Variants in FAM193A observed in about 807,000 individuals in gnomAD.
FAM193A encodes family with sequence similarity 193 member A, also known as protein FAM193A.
Under a neutral mutation model 126.5 loss-of-function variants are expected in FAM193A, and 22 were observed. The ratio of observed to expected loss-of-function variants is 0.17; its 90% confidence interval spans 0.12 to 0.25. The LOEUF (loss-of-function observed/expected upper bound fraction) is 0.25, where lower values mean the gene tolerates loss of function less well. Among genes scored for constraint, FAM193A ranks in the 10% least tolerant of loss-of-function variants. The pLI, the probability that FAM193A is intolerant of heterozygous loss-of-function variation, is 1.00. For missense variants in FAM193A, 1,675 were observed against 1,672.8 expected (o/e 1.00, Z -0.02); for synonymous variants, 761 against 646.8 (o/e 1.18, Z -2.68).
chr4:2,578,347 A>G (rs961427944), intron 1 of FAM193A, among the ~76,000 whole-genome samples: 6 of 152,158 alleles, frequency 3.9e-5, no homozygotes, highest in Non-Finnish European at 4.4e-5. Flanking sequence ...CATTTTAATA[A>G]TAAATAGCTG....
chr4:2,675,136 A>C (rs1714249849), intron 13 of FAM193A, among the ~76,000 whole-genome samples: 1 of 152,056 alleles, frequency 6.6e-6, no homozygotes, highest in African/African-American at 2.4e-5. Context: ...TTTTGAGTTT[A>C]TTAAGGTATG....
intron 1 of FAM193A, among the ~76,000 whole-genome samples, chr4:2,548,434 T>A (rs1737703613): frequency 6.6e-6 from 1 of 151,810 alleles, no homozygotes; most frequent in South Asian, 2.1e-4. Flanking sequence ...CATATATAAT[T>A]TGCCAACATT....
chr4:2,630,129 C>T (rs1743411554), intron 4 of FAM193A, among the ~76,000 whole-genome samples: 1 of 140,498 alleles, frequency 7.1e-6, no homozygotes, highest in South Asian at 2.2e-4. Context: ...GAGACTCCAT[C>T]TCAAAAAAAA....
chr4:2,686,066 C>T (rs927722785), intron 13 of FAM193A, among the ~76,000 whole-genome samples: 6 of 152,172 alleles, frequency 3.9e-5, no homozygotes, highest in African/African-American at 1.2e-4. Context: ...AGTCATGGTC[C>T]AAAAATGGTC....
chr4:2,678,729 A>G (rs1460939751), intron 13 of FAM193A, among the ~76,000 whole-genome samples: 1 of 152,164 alleles, frequency 6.6e-6, no homozygotes, highest in Non-Finnish European at 1.5e-5. Context: ...CCAACTGACC[A>G]TTGTTAGTGT....
intron 13 of FAM193A, among the ~76,000 whole-genome samples, chr4:2,675,539 G>A (rs915240790): frequency 1.3e-5 from 2 of 152,120 alleles, no homozygotes; most frequent in Non-Finnish European, 2.9e-5. Flanking sequence ...TCTAAAGTCT[G>A]CTCTGCCTGA....
intron 6 of FAM193A, among the ~76,000 whole-genome samples, chr4:2,643,217 A>C (rs1744810946): frequency 6.6e-6 from 1 of 152,166 alleles, no homozygotes; most frequent in Non-Finnish European, 1.5e-5. Context: ...TGTCAGCCTG[A>C]GACTAATTCA....
chr4:2,655,205 C>T lies in FAM193A; in HGVS notation c.1312-2598C>T, dbSNP rs1052263717. 40 of 576,196 alleles carry T rather than the reference C, an allele frequency of 6.9e-5. No homozygotes were observed. The Middle Eastern group carries it at 1.8e-3, about 26-fold the overall frequency. The allele number at this position is 576,196 out of a possible 1,614,324, so 35.7% of individuals were successfully genotyped here. On this transcript the variant is annotated intron_variant, in intron 7 of 20. Transcript: ENST00000637812. ...TTTCTAGCAAATTAAAGAAGTTTAC[C>T]TTTATTTCTAGTTGATTTAGGCTAT...
rs11736821 is a variant in FAM193A, at chr4:2,699,446, C to A, written c.3508-234C>A. Reference sequence around the variant, plus strand: ...TTTTTGTTAACTACCACCCCCCCCCCCACACACACACACACAAATAAGTAA... The same window carrying A: ...TTTTTGTTAACTACCACCCCCCCCCACACACACACACACACAAATAAGTAA... On this transcript the variant is annotated intron_variant, in intron 18 of 20. Coordinates refer to ENST00000637812, the MANE Select transcript of FAM193A (RefSeq NM_001366318.2). 3.8e-3 allele frequency among the ~76,000 whole-genome samples: 397 copies of A among 103,530 alleles called. 42 individuals carry two copies. Among genetic ancestry groups the A allele is most frequent in the Middle Eastern group, 0.029 (6 of 206 alleles). 67.9% of individuals were successfully genotyped at this position (103,530 alleles called of 152,430 possible).
chr4:2,627,353 G>A (rs543197754), intron 4 of FAM193A, among the ~76,000 whole-genome samples: 2 of 151,042 alleles, frequency 1.3e-5, no homozygotes, highest in South Asian at 2.1e-4. Context: ...TAGAGATGGG[G>A]TTTCACCATG....
intron 1 of FAM193A, among the ~76,000 whole-genome samples, chr4:2,582,989 A>G (rs371934841): frequency 1.3e-5 from 2 of 152,078 alleles, no homozygotes; most frequent in South Asian, 4.2e-4. Flanking sequence ...ATTTTTTGAG[A>G]CGGAGTTTTG....
intron 1 of FAM193A, among the ~76,000 whole-genome samples, chr4:2,564,387 G>A (rs538816147): frequency 1.3e-5 from 2 of 152,102 alleles, no homozygotes; most frequent in South Asian, 2.1e-4. Flanking sequence ...CTGGCCAGGA[G>A]CATGTAACTT....
intron 4 of FAM193A, 78 bp downstream of exon 4, chr4:2,626,655 G>C: frequency 1.5e-6 from 1 of 647,950 alleles, no homozygotes; most frequent in South Asian, 1.6e-5. Flanking sequence ...CTCCTTTCAG[G>C]ATGGGCTTTC....
chr4:2,649,111 C>T (rs1489193257), intron 7 of FAM193A, among the ~76,000 whole-genome samples: 1 of 152,196 alleles, frequency 6.6e-6, no homozygotes, highest in African/African-American at 2.4e-5. Flanking sequence ...CAGTGGCTCA[C>T]ACCTATAATT....
intron 1 of FAM193A, among the ~76,000 whole-genome samples, chr4:2,554,882 T>C (rs372486727): frequency 6.6e-6 from 1 of 152,210 alleles, no homozygotes; most frequent in Non-Finnish European, 1.5e-5. Context: ...ACTACTAATA[T>C]AGCCTCTCCA....
intron 2 of FAM193A, among the ~76,000 whole-genome samples, chr4:2,597,773 T>G (rs931091347): frequency 1.3e-5 from 2 of 152,160 alleles, no homozygotes; most frequent in African/African-American, 4.8e-5. Context: ...CCATTAAGAT[T>G]CACTCTTTTT....
chr4:2,561,497 CTTTTT>C (rs34320054), intron 1 of FAM193A, among the ~76,000 whole-genome samples: 1 of 117,544 alleles, frequency 8.5e-6, no homozygotes, highest in Non-Finnish European at 1.7e-5. Context: ...GTAGAGATTT[CTTTTT>C]TTTTTTTTTT....
chr4:2,673,031 A>G (rs1434014280), intron 13 of FAM193A, among the ~76,000 whole-genome samples: 7 of 152,164 alleles, frequency 4.6e-5, no homozygotes, highest in Admixed American at 6.5e-5. Context: ...TCATGTGTAT[A>G]CTTAGTATCT....
intron 13 of FAM193A, among the ~76,000 whole-genome samples, chr4:2,675,053 A>G (rs1361409388): frequency 6.6e-6 from 1 of 152,194 alleles, no homozygotes; most frequent in Non-Finnish European, 1.5e-5. Context: ...GGATCTCCCA[A>G]CTATCTTTTT....
Sources: allele counts gnomAD v4.1 joint callset (sites outside exome capture counted in the v4.1 genomes callset), GRCh38; gene constraint gnomAD v4.1.1; transcripts MANE v1.5; gene names NCBI Gene and HGNC (gene_info 2026-07-23, HGNC 2026-07-21).